Variants in WDR17 observed in about 807,000 individuals in gnomAD.
WDR17 encodes WD repeat-containing protein 17.
A neutral mutation model predicts 161.7 loss-of-function variants in WDR17; 143 were observed. That is an observed-to-expected ratio of 0.88 (90% confidence interval 0.77 to 1.02). WDR17 has a LOEUF of 1.02. Ranked by LOEUF, WDR17 falls within the 50% of genes least tolerant of loss-of-function variation. The probability of loss-of-function intolerance (pLI) is 0.00; values close to 1 mark genes in which losing one functional copy is unlikely to be tolerated. For synonymous variants in WDR17, 517 were observed against 515.6 expected (o/e 1.00, Z -0.04); for missense variants, 1,469 against 1,520.9 (o/e 0.97, Z 0.57).
chr4:176,095,031 A>G (rs1017657351), intron 1 of WDR17, among the ~76,000 whole-genome samples: 2 of 152,066 alleles, frequency 1.3e-5, no homozygotes, highest in Non-Finnish European at 2.9e-5. Flanking sequence ...AGGTTGTGTT[A>G]TGGGAGACAC....
At chr4:176,122,814 C>T (rs541513904) in intron 4 of WDR17, among the ~76,000 whole-genome samples, 5 of 152,228 alleles carry the variant, frequency 3.3e-5, no homozygotes, top group Non-Finnish European at 7.4e-5. Context: ...GAACTAGCCA[C>T]GATAATGTAG....
chr4:176,144,639 A>G (rs570779248), intron 11 of WDR17, among the ~76,000 whole-genome samples: 35 of 152,280 alleles, frequency 2.3e-4, no homozygotes, highest in Middle Eastern at 3.4e-3. Context: ...GAAGTCCTTT[A>G]TATTTAACTA....
At chr4:176,174,241 C>G (rs1269923870) in intron 25 of WDR17, among the ~76,000 whole-genome samples, 1 of 152,050 alleles carries the variant, frequency 6.6e-6, no homozygotes, top group Non-Finnish European at 1.5e-5. Context: ...CTGGCTAACT[C>G]CCTCAGCAAG....
At position 176,128,831 on chromosome 4, in the gene WDR17, A is replaced by G. The variant is rs141438504; in HGVS notation, c.884A>G (p.His295Arg). 3,647 of 1,589,488 alleles carry G rather than the reference A, an allele frequency of 2.3e-3. 12 individuals carry two copies. The highest frequency in any genetic ancestry group is 2.8e-3 in the Non-Finnish European group (3,243 of 1,170,730). The change falls in exon 6 of 29, where the codon CAT becomes CGT. Residue 295 changes from histidine (H) to arginine (R), a missense_variant. By Grantham distance (29) the His-to-Arg change is conservative. Transcript: ENST00000508596. ...KLKKTGFHCL[H>R]VLNSPPRKKF... ...AAGAAAACAGGATTTCACTGCTTACATGTACTTAATTCTCCTCCAAGAAAA... is the reference window on the plus strand; with the variant it reads ...AAGAAAACAGGATTTCACTGCTTACGTGTACTTAATTCTCCTCCAAGAAAA...
At chr4:176,090,218 A>G (rs1274277083) in intron 1 of WDR17, among the ~76,000 whole-genome samples, 2 of 150,410 alleles carry the variant, frequency 1.3e-5, no homozygotes, top group African/African-American at 2.5e-5. Flanking sequence ...TAATGAGCAA[A>G]TTCTTGCTCT....
Position 176,131,598 on chromosome 4 carries a change from A to T in WDR17, c.958A>T (p.Ser320Cys). The T allele has an allele frequency of 6.2e-7, 1 of 1,612,342 alleles. No homozygotes were observed. Among genetic ancestry groups the T allele is most frequent in the Non-Finnish European group, 8.5e-7 (1 of 1,179,114 alleles). ...PTKNHYTSSTSEAVPPPTLTQ... is the reference protein window; with the variant it reads ...PTKNHYTSSTCEAVPPPTLTQ... ...CAAAAATCATTATACATCCTCAACA[A>T]GCGAAGCAGTTCCACCCCCAACTTT... The change falls in exon 7 of 29, where the codon AGC becomes TGC. Residue 320 changes from serine (S) to cysteine (C), a missense_variant. By Grantham distance (112) the Ser-to-Cys change is moderately radical (BLOSUM62 -1). Coordinates refer to ENST00000508596, the MANE Select transcript of WDR17 (RefSeq NM_181265.4).
chr4:176,173,361 G>T lies in WDR17; in HGVS notation c.3339G>T (p.Thr1113=), dbSNP rs373411667. The change falls in exon 25 of 29, where the codon ACG becomes ACT. Residue 1113 remains threonine (T), a synonymous_variant. Coordinates refer to ENST00000508596, the MANE Select transcript of WDR17 (RefSeq NM_181265.4). Reference sequence around the variant, plus strand: ...GTACTGAAAAATTACTCTTGCATACGTGTACTGAGTGAGTATTTTTTCTGC... The same window carrying T: ...GTACTGAAAAATTACTCTTGCATACTTGTACTGAGTGAGTATTTTTTCTGC... ...YIRTEKLLLH[T]CTEARNELLI... 1.2e-6 allele frequency: 2 copies of T among 1,602,452 alleles called. No individual in the cohort carries two copies. The highest frequency in any genetic ancestry group is 1.7e-6 in the Non-Finnish European group (2 of 1,172,084).
intron 26 of WDR17, among the ~76,000 whole-genome samples, chr4:176,175,326 A>G (rs1751280046): frequency 6.6e-6 from 1 of 152,210 alleles, no homozygotes; most frequent in Admixed American, 6.5e-5. Flanking sequence ...CTATTTTAAT[A>G]TTTTATATTC....
intron 6 of WDR17, among the ~76,000 whole-genome samples, chr4:176,129,550 G>A (rs1206363632): frequency 6.6e-6 from 1 of 152,084 alleles, no homozygotes; most frequent in Non-Finnish European, 1.5e-5. Flanking sequence ...TGCATGGTTG[G>A]TAGTGTTCCC....
chr4:176,066,807 T>C (rs1272826155), intron 1 of WDR17, among the ~76,000 whole-genome samples: 1 of 152,064 alleles, frequency 6.6e-6, no homozygotes, highest in African/African-American at 2.4e-5. Context: ...AGAGAGATAC[T>C]ACATTTCTGA....
chr4:176,160,650 A>G (rs183683618), intron 19 of WDR17, among the ~76,000 whole-genome samples: 7 of 152,292 alleles, frequency 4.6e-5, no homozygotes, highest in African/African-American at 1.4e-4. Flanking sequence ...TAAACATACA[A>G]GCATCTCTGA....
chr4:176,100,324 G>T (rs1253156074), intron 1 of WDR17, among the ~76,000 whole-genome samples: 1 of 152,102 alleles, frequency 6.6e-6, no homozygotes, highest in African/African-American at 2.4e-5. Context: ...GCATTTCTCT[G>T]ATGATCAGTG....
intron 23 of WDR17, among the ~76,000 whole-genome samples, chr4:176,170,433 AC>A (rs1478617465): frequency 1.4e-5 from 2 of 147,628 alleles, no homozygotes; most frequent in Non-Finnish European, 3.0e-5. Context: ...CTCCTGCCCC[AC>A]CCTCCCAAGT....
At position 176,128,621 on chromosome 4, in the gene WDR17, G is replaced by A. The variant is rs1266076299; in HGVS notation, c.791-117G>A. 3.1e-6 allele frequency: 3 copies of A among 958,198 alleles called. No individual in the cohort carries two copies. The African/African-American group carries it at 5.1e-5, about 16-fold the overall frequency. 59.4% of individuals were successfully genotyped at this position (958,198 alleles called of 1,614,324 possible). A position where few individuals can be genotyped will look rare whatever the true frequency, so the allele number is the denominator to read the frequency against. Reference sequence around the variant, plus strand: ...TACTGTATGGTATTGTTGTTAAAAGGATGTCAGTAATTAGTCCTAAAATAT... The same window carrying A: ...TACTGTATGGTATTGTTGTTAAAAGAATGTCAGTAATTAGTCCTAAAATAT... On this transcript the variant is annotated intron_variant, in intron 5 of 28. Coordinates refer to ENST00000508596, the MANE Select transcript of WDR17 (RefSeq NM_181265.4).
intron 1 of WDR17, among the ~76,000 whole-genome samples, chr4:176,086,727 A>G (rs1001180145): frequency 3.3e-5 from 5 of 151,810 alleles, no homozygotes; most frequent in African/African-American, 1.2e-4. Flanking sequence ...TTTAATGTAG[A>G]TGCTAATTTT....
chr4:176,130,959 AAGT>A (rs777251100), intron 6 of WDR17, among the ~76,000 whole-genome samples: 4 of 152,150 alleles, frequency 2.6e-5, no homozygotes, highest in Non-Finnish European at 5.9e-5. Context: ...ATGTAATTGA[AAGT>A]AGGAGAAATC....
At chr4:176,173,548 G>A (rs1751043930) in intron 25 of WDR17, among the ~76,000 whole-genome samples, 179 bp downstream of exon 25, 1 of 152,170 alleles carries the variant, frequency 6.6e-6, no homozygotes, top group Non-Finnish European at 1.5e-5. Context: ...ATGAGGTCTT[G>A]CTCTGTCGCC....
intron 1 of WDR17, among the ~76,000 whole-genome samples, chr4:176,074,011 A>G (rs1366154112): frequency 6.6e-6 from 1 of 151,006 alleles, no homozygotes; most frequent in East Asian, 1.9e-4. Flanking sequence ...GCCCTTTGTC[A>G]GATGAGTAGG....
At chr4:176,106,046 A>G (rs867761807) in intron 1 of WDR17, among the ~76,000 whole-genome samples, 6 of 152,086 alleles carry the variant, frequency 3.9e-5, no homozygotes, top group African/African-American at 1.4e-4. Context: ...AGTAGGAACA[A>G]TTGTACACCA....
Sources: gnomAD v4.1 joint callset for allele counts (sites outside exome capture counted in the v4.1 genomes callset) on GRCh38, gnomAD v4.1.1 for gene constraint, MANE v1.5 for transcripts, NCBI Gene and HGNC (gene_info 2026-07-23, HGNC 2026-07-21) for gene names.